Variants in DLEU7 observed in about 807,000 individuals in gnomAD.
DLEU7 encodes the protein leukemia-associated protein 7.
A neutral mutation model predicts 16.0 loss-of-function variants in DLEU7; 17 were observed. That is an observed-to-expected ratio of 1.06 (90% confidence interval 0.73 to 1.59). The LOEUF (loss-of-function observed/expected upper bound fraction) is 1.59, where lower values mean the gene tolerates loss of function less well. DLEU7 is among the 40% of genes most tolerant of loss of function. The pLI is 0.00. For synonymous variants in DLEU7, 113 were observed against 139.8 expected, an observed-to-expected ratio of 0.81 and a Z score of 1.35; for missense variants, 308 against 314.9, an observed-to-expected ratio of 0.98 and a Z score of 0.17.
chr13:50,811,070 T>C (rs1876548188), intron 1 of DLEU7, among the ~76,000 whole-genome samples: 1 of 152,122 alleles, frequency 6.6e-6, no homozygotes, highest in African/African-American at 2.4e-5. Context: ...CTGCATCTGT[T>C]TGCATGTGTG....
At chr13:50,757,499 G>GTAT (rs1874796816) in intron 1 of DLEU7, among the ~76,000 whole-genome samples, 2 of 152,116 alleles carry the variant, frequency 1.3e-5, no homozygotes, top group Non-Finnish European at 2.9e-5. Flanking sequence ...CTGCTGCATG[G>GTAT]CATTCTAGAG....
At chr13:50,762,704 C>G (rs1874973152) in intron 1 of DLEU7, among the ~76,000 whole-genome samples, 1 of 151,686 alleles carries the variant, frequency 6.6e-6, no homozygotes, top group Admixed American at 6.6e-5. Context: ...GAATGGAACT[C>G]TTCCTACCCC....
chr13:50,725,131 G>A (rs9526689), intron 1 of DLEU7, among the ~76,000 whole-genome samples: 8,575 of 152,082 alleles, frequency 0.056, 352 homozygotes, highest in Admixed American at 0.12. Context: ...TCTCTCCCTG[G>A]TGCCAGCAGT....
chr13:50,819,398 A>C (rs1283333651), downstream of DLEU7, among the ~76,000 whole-genome samples: 3 of 152,168 alleles, frequency 2.0e-5, no homozygotes, highest in Admixed American at 2.0e-4. Context: ...AAGGGAAGCT[A>C]TTGGTAGAGC....
chr13:50,729,393 T>C (rs1184371314), intron 1 of DLEU7, among the ~76,000 whole-genome samples: 1 of 152,224 alleles, frequency 6.6e-6, no homozygotes, highest in African/African-American at 2.4e-5. Context: ...TAGTATTCCA[T>C]GATATATATG....
At position 50,806,976 on chromosome 13, in the gene DLEU7, C is replaced by CAAA. The variant is rs556761618; in HGVS notation, c.459+36209_459+36211dup. Among the ~76,000 whole-genome samples the CAAA allele has an allele frequency of 3.1e-3, 170 of 54,154 alleles. 6 individuals are homozygous for CAAA. Among genetic ancestry groups the CAAA allele is most frequent in the African/African-American group, 0.011 (153 of 14,372 alleles). 35.5% of individuals were successfully genotyped at this position (54,154 alleles called of 152,430 possible). Reference sequence around the variant, plus strand: ...TGGGTGACAGAGCTAGACTCCCTCTCAAAAAAAAAAAAAAAAAAAAAAGTC... The same window carrying CAAA: ...TGGGTGACAGAGCTAGACTCCCTCTCAAAAAAAAAAAAAAAAAAAAAAAAAGTC... On this transcript the variant is annotated intron_variant, in intron 1 of 1. Transcript: ENST00000400393.
intron 1 of DLEU7, among the ~76,000 whole-genome samples, chr13:50,786,851 T>C (rs1164918559): frequency 1.3e-5 from 2 of 152,188 alleles, no homozygotes; most frequent in Non-Finnish European, 2.9e-5. Context: ...AGGTTAGATA[T>C]AATCTGGGTA....
intron 1 of DLEU7, among the ~76,000 whole-genome samples, chr13:50,774,626 G>T (rs556120243): frequency 6.6e-6 from 1 of 152,042 alleles, no homozygotes; most frequent in South Asian, 2.1e-4. Flanking sequence ...TGAATGTGTG[G>T]GTTGCTGTTT....
At chr13:50,842,266 G>T (rs1238490858) in intron 1 of DLEU7, among the ~76,000 whole-genome samples, 1 of 152,116 alleles carries the variant, frequency 6.6e-6, no homozygotes. Context: ...GTACAGAATA[G>T]CAACTCTTGA....
In DLEU7 at chr13:50,842,503, C is replaced by T. The variant is rs114042423; in HGVS notation, c.459+685G>A. Among the ~76,000 whole-genome samples the T allele has an allele frequency of 1.6e-3, 242 of 152,300 alleles. 1 individual carries two copies. The highest frequency in any genetic ancestry group is 5.5e-3 in the African/African-American group (227 of 41,558). On this transcript the variant is annotated intron_variant, in intron 1 of 1. Transcript: ENST00000504404. ...GCCTGGGAGACAGCTGCTCCCTTCC[C>T]GGGCTAAATTGGCTAACACAGTTTG...
At chr13:50,831,240 A>G (rs79098159) in intron 1 of DLEU7, among the ~76,000 whole-genome samples, 3,494 of 152,264 alleles carry the variant, frequency 0.023, 77 homozygotes, top group African/African-American at 0.062. Context: ...TCTATTTGCA[A>G]TTGTTCAGTA....
chr13:50,791,641 A>G (rs185701429), intron 1 of DLEU7, among the ~76,000 whole-genome samples: 2 of 152,256 alleles, frequency 1.3e-5, no homozygotes, highest in Admixed American at 6.5e-5. Flanking sequence ...GGAACCTAAA[A>G]ATTACCCAAG....
intron 1 of DLEU7, among the ~76,000 whole-genome samples, chr13:50,734,473 C>T (rs548226832): frequency 6.6e-6 from 1 of 152,166 alleles, no homozygotes; most frequent in East Asian, 1.9e-4. Context: ...TAGCTAATCC[C>T]ATCTCCAACT....
At chr13:50,741,229 G>C (rs947654528) in intron 1 of DLEU7, among the ~76,000 whole-genome samples, 9 of 152,194 alleles carry the variant, frequency 5.9e-5, no homozygotes, top group Non-Finnish European at 1.0e-4. Context: ...CAGGGGAGAA[G>C]GGCCTTCTCA....
At chr13:50,754,925 C>T (rs1036898350) in intron 1 of DLEU7, among the ~76,000 whole-genome samples, 2 of 152,178 alleles carry the variant, frequency 1.3e-5, no homozygotes, top group Non-Finnish European at 2.9e-5. Flanking sequence ...CTGAAAAAGA[C>T]TGTATCTTTC....
At chr13:50,757,450 C>A (rs116185869) in intron 1 of DLEU7, among the ~76,000 whole-genome samples, 16 of 152,138 alleles carry the variant, frequency 1.1e-4, no homozygotes, top group Non-Finnish European at 1.8e-4. Flanking sequence ...GATAGACATC[C>A]AAAATGATCA....
intron 1 of DLEU7, among the ~76,000 whole-genome samples, chr13:50,752,152 G>C (rs1402652951): frequency 6.6e-6 from 1 of 150,456 alleles, no homozygotes; most frequent in African/African-American, 2.4e-5. Flanking sequence ...CCCAGGTTCA[G>C]GCCATTCTCC....
At chr13:50,730,599 T>C (rs1373815894) in intron 1 of DLEU7, among the ~76,000 whole-genome samples, 1 of 152,048 alleles carries the variant, frequency 6.6e-6, no homozygotes, top group Non-Finnish European at 1.5e-5. Context: ...AACATAGAAG[T>C]AAAAATACTT....
intron 1 of DLEU7, among the ~76,000 whole-genome samples, chr13:50,725,560 T>G (rs1873742027): frequency 6.6e-6 from 1 of 152,190 alleles, no homozygotes; most frequent in South Asian, 2.1e-4. Flanking sequence ...GAATTAGCTA[T>G]CTATGAGATT....
Sources: allele counts gnomAD v4.1 joint callset (sites outside exome capture counted in the v4.1 genomes callset), GRCh38; gene constraint gnomAD v4.1.1; transcripts MANE v1.5; gene names NCBI Gene and HGNC (gene_info 2026-07-23, HGNC 2026-07-21).